RUNX2: variants seen among roughly 807,000 people sequenced by gnomAD.
The protein encoded by RUNX2 is RUNX family transcription factor 2.
Under a neutral mutation model 51.7 loss-of-function variants are expected in RUNX2, and 10 were observed. The observed-to-expected ratio is 0.19, with a 90% CI of 0.12 to 0.33. RUNX2 has a LOEUF of 0.33. Among genes scored for constraint, RUNX2 ranks in the 10% least tolerant of loss-of-function variants. The pLI is 1.00. For missense variants in RUNX2, 562 were observed against 691.3 expected (o/e 0.81, Z 2.10); for synonymous variants, 276 against 273.6 (o/e 1.01, Z -0.09).
rs532943356 is a variant in RUNX2, at chr6:45,422,974, C to G, written c.423+17C>G. On this transcript the variant is annotated intron_variant, in intron 3 of 8. Transcript: ENST00000647337. ...GCCTTCAAGGTAAGAGGCTACACCG[C>G]CCCCCGCCCCCGGCCGGGAGCGGCG... is the stretch of plus-strand genomic sequence containing the variant. The G allele has an allele frequency of 1.2e-6, 2 of 1,604,970 alleles. No homozygotes were observed.
intron 2 of RUNX2, among the ~76,000 whole-genome samples, chr6:45,390,005 CAA>C (rs5875920): frequency 6.6e-4 from 95 of 144,052 alleles, no homozygotes; most frequent in Non-Finnish European, 6.8e-4. Context: ...GACTCTGTCT[CAA>C]AAAAAAAAAA....
chr6:45,463,903 C>T (rs1799549791), intron 5 of RUNX2, among the ~76,000 whole-genome samples: 2 of 152,108 alleles, frequency 1.3e-5, no homozygotes, highest in African/African-American at 4.8e-5. Context: ...GAAAAATGTT[C>T]ACAACATCAG....
At chr6:45,416,437 C>T (rs1563076012) in intron 2 of RUNX2, among the ~76,000 whole-genome samples, 1 of 152,170 alleles carries the variant, frequency 6.6e-6, no homozygotes. Flanking sequence ...AATAGGATAG[C>T]ACCTTCCTTG....
At chr6:45,330,170 C>T (rs540685107) in intron 2 of RUNX2, among the ~76,000 whole-genome samples, 1 of 151,714 alleles carries the variant, frequency 6.6e-6, no homozygotes, top group Non-Finnish European at 1.5e-5. Context: ...GTAAGTGGGC[C>T]CCCTCAGTTA....
At chr6:45,396,560 C>T (rs1797586079) in intron 2 of RUNX2, among the ~76,000 whole-genome samples, 1 of 152,312 alleles carries the variant, frequency 6.6e-6, no homozygotes, top group Non-Finnish European at 1.5e-5. Flanking sequence ...CATGTGGTAC[C>T]ATGCCCAGCT....
chr6:45,379,759 G>C (rs187638071), intron 2 of RUNX2, among the ~76,000 whole-genome samples: 1 of 152,048 alleles, frequency 6.6e-6, no homozygotes, highest in Admixed American at 6.6e-5. Context: ...CCAGCTACTC[G>C]GGAGGCTGAG....
At chr6:45,505,620 T>G (rs1349779104) in intron 6 of RUNX2, among the ~76,000 whole-genome samples, 1 of 152,134 alleles carries the variant, frequency 6.6e-6, no homozygotes, top group African/African-American at 2.4e-5. Flanking sequence ...CAGGTTTACA[T>G]AAAGGGTTGT....
At chr6:45,493,044 G>A (rs1474666418) in intron 6 of RUNX2, among the ~76,000 whole-genome samples, 6 of 152,008 alleles carry the variant, frequency 3.9e-5, no homozygotes, top group African/African-American at 9.7e-5. Flanking sequence ...AGTTAGGCTC[G>A]AATGTTCTTA....
intron 6 of RUNX2, among the ~76,000 whole-genome samples, chr6:45,509,776 T>C (rs1308144528): frequency 1.3e-5 from 2 of 152,178 alleles, no homozygotes; most frequent in Admixed American, 1.3e-4. Flanking sequence ...CCCTAATTCC[T>C]TTTCGTCATT....
intron 5 of RUNX2, among the ~76,000 whole-genome samples, chr6:45,491,219 C>T (rs1185799840): frequency 1.1e-4 from 16 of 152,146 alleles, no homozygotes; most frequent in African/African-American, 3.4e-4. Flanking sequence ...TGTATTTCAG[C>T]TTCTTTTCCA....
chr6:45,478,220 G>T (rs1800010946), intron 5 of RUNX2, among the ~76,000 whole-genome samples: 1 of 152,038 alleles, frequency 6.6e-6, no homozygotes, highest in East Asian at 1.9e-4. Flanking sequence ...GTAATTATTT[G>T]TTTTTATGAT....
At chr6:45,546,779 A>T in intron 8 of RUNX2, 48 bp from the exon 9 acceptor site, 1 of 1,395,504 alleles carries the variant, frequency 7.2e-7, no homozygotes, top group Non-Finnish European at 1.0e-6. Context: ...TCATTATTTT[A>T]ATTGATATTT....
intron 2 of RUNX2, among the ~76,000 whole-genome samples, chr6:45,340,815 T>C (rs1294560404): frequency 6.6e-6 from 1 of 152,040 alleles, no homozygotes; most frequent in Non-Finnish European, 1.5e-5. Flanking sequence ...TAAAATAATC[T>C]TGTATCATAA....
intron 5 of RUNX2, among the ~76,000 whole-genome samples, chr6:45,483,932 C>T (rs555569798): frequency 6.6e-6 from 1 of 152,294 alleles, no homozygotes; most frequent in Admixed American, 6.5e-5. Context: ...ATATTGCGAC[C>T]ATATTTTCCA....
chr6:45,456,964 T>C (rs891897252), intron 5 of RUNX2, among the ~76,000 whole-genome samples: 1 of 152,144 alleles, frequency 6.6e-6, no homozygotes, highest in Non-Finnish European at 1.5e-5. Context: ...TGAAAAAAGG[T>C]TCCTGCTGTG....
chr6:45,513,852 G>T (rs1801238139), intron 7 of RUNX2, among the ~76,000 whole-genome samples: 1 of 152,202 alleles, frequency 6.6e-6, no homozygotes, highest in Admixed American at 6.5e-5. Context: ...ATTAATTAAA[G>T]GTACGGGAAA....
At chr6:45,433,313 C>T (rs191389834) in intron 4 of RUNX2, among the ~76,000 whole-genome samples, 66 of 152,218 alleles carry the variant, frequency 4.3e-4, no homozygotes, top group Admixed American at 1.8e-3. Context: ...TCACTATTGA[C>T]TGATTAGGTT....
chr6:45,365,126 G>T, intron 2 of RUNX2: 1 of 846,616 alleles, frequency 1.2e-6, no homozygotes, highest in Non-Finnish European at 1.8e-6. Context: ...TTTTATAAAT[G>T]TTGTTATGTC....
chr6:45,404,867 C>T (rs1378709476), intron 2 of RUNX2, among the ~76,000 whole-genome samples: 3 of 152,242 alleles, frequency 2.0e-5, no homozygotes, highest in Non-Finnish European at 2.9e-5. Context: ...TGAGTTATAA[C>T]TATACGAACC....
Sources: gnomAD v4.1 joint callset for allele counts (sites outside exome capture counted in the v4.1 genomes callset) on GRCh38, gnomAD v4.1.1 for gene constraint, MANE v1.5 for transcripts, NCBI Gene and HGNC (gene_info 2026-07-23, HGNC 2026-07-21) for gene names.